The following ADAM2 variants were observed in gnomAD, a reference collection of about 807,000 sequenced individuals.
The protein encoded by ADAM2 is ADAM metallopeptidase domain 2, also known as disintegrin and metalloproteinase domain-containing protein 2.
Under a neutral mutation model 99.3 loss-of-function variants are expected in ADAM2, and 101 were observed. That is an observed-to-expected ratio of 1.02 (90% CI 0.87 to 1.20). The LOEUF (loss-of-function observed/expected upper bound fraction) is 1.20, where lower values mean the gene tolerates loss of function less well. Ranked by LOEUF, ADAM2 falls within the 50% of genes most tolerant of loss-of-function variation. The pLI, the probability that ADAM2 is intolerant of heterozygous loss-of-function variation, is 0.00. For missense variants in ADAM2, 948 were observed against 878.7 expected, an observed-to-expected ratio of 1.08 and a Z score of -1.00; for synonymous variants, 323 against 287.6, an observed-to-expected ratio of 1.12 and a Z score of -1.25.
At chr8:39,755,077 A>T (rs1255252201) in intron 16 of ADAM2, among the ~76,000 whole-genome samples, 3 of 152,288 alleles carry the variant, frequency 2.0e-5, no homozygotes, top group African/African-American at 7.2e-5. Flanking sequence ...TAAAATGGGC[A>T]TATATTATTT....
intron 17 of ADAM2, 35 bp downstream of exon 17, chr8:39,749,632 G>T: frequency 1.9e-6 from 3 of 1,562,804 alleles, no homozygotes; most frequent in South Asian, 1.1e-5. Flanking sequence ...TAGGCTCAAT[G>T]ATTTCTATTT....
At chr8:39,753,386 G>A (rs948643297) in intron 16 of ADAM2, among the ~76,000 whole-genome samples, 1 of 151,148 alleles carries the variant, frequency 6.6e-6, no homozygotes, top group Non-Finnish European at 1.5e-5. Flanking sequence ...AGGAAGCAAA[G>A]CATAAAAGTT....
At position 39,819,042 on chromosome 8, in the gene ADAM2, G is replaced by T. The variant is rs193223479; in HGVS notation, c.513+1960C>A. Reference sequence around the variant, plus strand: ...TAAAAATAAATAAATTTTAAAATACGTTTGGAAATGCATAGTAGCCAGAAT... The same window carrying T: ...TAAAAATAAATAAATTTTAAAATACTTTTGGAAATGCATAGTAGCCAGAAT... On this transcript the variant is annotated intron_variant, in intron 6 of 20. Transcript: ENST00000265708. Among the ~76,000 whole-genome samples the T allele has an allele frequency of 2.7e-3, 405 of 152,000 alleles. 2 individuals are homozygous for T. Among genetic ancestry groups the T allele is most frequent in the African/African-American group, 9.4e-3 (391 of 41,512 alleles).
rs1383925939 is a variant in ADAM2, at chr8:39,809,427, T to C, written c.553A>G (p.Ile185Val). 2.2e-6 allele frequency: 3 copies of C among 1,384,962 alleles called. No individual in the cohort carries two copies. Among genetic ancestry groups the C allele is most frequent in the Non-Finnish European group, 3.0e-6 (3 of 985,990 alleles). 85.8% of individuals were successfully genotyped at this position (1,384,962 alleles called of 1,614,324 possible). The change falls in exon 7 of 21, where the codon ATA (isoleucine) becomes GTA (valine). Residue 185 changes from isoleucine to valine, a missense_variant. Ile to Val is a conservative substitution (Grantham distance 29). Coordinates refer to ENST00000265708, the MANE Select transcript of ADAM2 (RefSeq NM_001464.5). ...DFAKYIEMHV[I>V]VEKQLYNHMG... ...ATACTTACCAATTGTTTTTCAACTA[T>C]AACATGCATTTCTATATACTTTGCA...
intron 7 of ADAM2, among the ~76,000 whole-genome samples, chr8:39,799,853 C>CTAGGAATAT (rs1321937380): frequency 1.3e-5 from 2 of 151,704 alleles, no homozygotes; most frequent in Non-Finnish European, 3.0e-5. Flanking sequence ...ACTAGGAATA[C>CTAGGAATAT]AACCATTTTT....
intron 20 of ADAM2, among the ~76,000 whole-genome samples, 181 bp from the exon 21 acceptor site, chr8:39,744,245 A>G (rs2122988): frequency 0.33 from 49,489 of 152,016 alleles, 8,238 homozygotes; most frequent in East Asian, 0.49. Flanking sequence ...TAATTAAAAA[A>G]TAACACTGTA....
intron 7 of ADAM2, among the ~76,000 whole-genome samples, chr8:39,792,126 C>T (rs1233553930): frequency 6.6e-6 from 1 of 151,338 alleles, no homozygotes; most frequent in Non-Finnish European, 1.5e-5. Context: ...AGGCACAATA[C>T]AAGAATGGGA....
chr8:39,749,722 A>G lies in ADAM2; in HGVS notation c.1820T>C (p.Val607Ala), dbSNP rs1823642671. Reference sequence around the variant, plus strand: ...ATCATAACCCAAGTATGAAGAACTCACACATCTTTGATTCCTGCAAACCTA... The same window carrying G: ...ATCATAACCCAAGTATGAAGAACTCGCACATCTTTGATTCCTGCAAACCTA... Reference protein sequence around the residue: ...SNKVCRNQRCVSSSYLGYDCT... With the variant: ...SNKVCRNQRCASSSYLGYDCT... The change falls in exon 17 of 21, where the codon GTG becomes GCG. Residue 607 changes from valine to alanine, a missense_variant. Val to Ala is a moderately conservative substitution (Grantham distance 64). Coordinates refer to ENST00000265708, the MANE Select transcript of ADAM2 (RefSeq NM_001464.5). The G allele has an allele frequency of 6.2e-7, 1 of 1,612,396 alleles. No homozygotes were observed. The highest frequency in any genetic ancestry group is 8.5e-7 in the Non-Finnish European group (1 of 1,178,868).
intron 7 of ADAM2, among the ~76,000 whole-genome samples, chr8:39,802,516 C>A (rs970981219): frequency 3.3e-5 from 5 of 152,158 alleles, no homozygotes; most frequent in Admixed American, 1.3e-4. Context: ...ATCCTGAATT[C>A]TTCTTATTTC....
At chr8:39,817,320 T>C (rs570867655) in intron 6 of ADAM2, among the ~76,000 whole-genome samples, 1 of 152,036 alleles carries the variant, frequency 6.6e-6, no homozygotes, top group Non-Finnish European at 1.5e-5. Flanking sequence ...ATCGTGGTCA[T>C]GAGAGGATAG....
Position 39,755,788 on chromosome 8 carries a change from A to G in ADAM2, c.1737T>C (p.Ser579=). 1 of 1,613,654 alleles carries G rather than the reference A, an allele frequency of 6.2e-7. No homozygotes were observed. The highest frequency in any genetic ancestry group is 8.5e-7 in the Non-Finnish European group (1 of 1,179,734). ...GHLCIAVEFA[S]DHADSQKMWI... is the part of the protein sequence containing the mutation. ...ACATCTTTTGGCTGTCTGCATGATC[A>G]CTGGCAAATTCCACAGCAATGCAGA... Residue 579 remains serine, a synonymous_variant, in exon 16 of 21, where the codon AGT becomes AGC. Coordinates refer to ENST00000265708, the MANE Select transcript of ADAM2 (RefSeq NM_001464.5).
intron 10 of ADAM2, 83 bp downstream of exon 10, chr8:39,786,891 A>G: frequency 9.7e-7 from 1 of 1,036,262 alleles, no homozygotes; most frequent in South Asian, 1.8e-5. Flanking sequence ...TGCAAATTTT[A>G]ATACACATAA....
chr8:39,836,659 A>G (rs1805838970), intron 2 of ADAM2, among the ~76,000 whole-genome samples: 1 of 152,202 alleles, frequency 6.6e-6, no homozygotes, highest in Non-Finnish European at 1.5e-5. Context: ...ATAATTCTGA[A>G]CTAAAATAAT....
At chr8:39,754,807 G>C (rs1272220455) in intron 16 of ADAM2, among the ~76,000 whole-genome samples, 2 of 152,096 alleles carry the variant, frequency 1.3e-5, no homozygotes, top group African/African-American at 4.8e-5. Context: ...GTATATACGT[G>C]TTTGTATGTA....
chr8:39,755,511 C>A (rs865939738), intron 16 of ADAM2, among the ~76,000 whole-genome samples: 41 of 152,078 alleles, frequency 2.7e-4, no homozygotes, highest in Middle Eastern at 3.2e-3. Context: ...TCCGTCTCTA[C>A]TAAAAATACA....
In ADAM2 at chr8:39,777,053, C is replaced by T. The variant is rs1208539871; in HGVS notation, c.1000G>A (p.Ala334Thr). The change falls in exon 11 of 21, where the codon GCT becomes ACT. Residue 334 changes from alanine to threonine, a missense_variant. By Grantham distance (58) the Ala-to-Thr change is moderately conservative. Coordinates refer to ENST00000265708, the MANE Select transcript of ADAM2 (RefSeq NM_001464.5). ...DDINKCQCSG[A>T]VCIMNPEAIH... ...GCTTCTGGATTCATAATGCAGACAG[C>T]TCCTGAGCACTGGCATTTGTTAATG... The T allele has an allele frequency of 3.1e-6, 5 of 1,592,644 alleles. No individual in the cohort carries two copies. The highest frequency in any genetic ancestry group is 4.3e-6 in the Non-Finnish European group (5 of 1,161,270).
chr8:39,793,860 G>A (rs1183679544), intron 7 of ADAM2, among the ~76,000 whole-genome samples: 1 of 152,098 alleles, frequency 6.6e-6, no homozygotes, highest in Non-Finnish European at 1.5e-5. Context: ...AGTCTATACA[G>A]CCCATAATGT....
intron 10 of ADAM2, 149 bp from the exon 11 acceptor site, chr8:39,777,310 T>A (rs989466547): frequency 5.8e-6 from 3 of 521,598 alleles, no homozygotes; most frequent in Non-Finnish European, 9.9e-6. Context: ...TCATTATAAA[T>A]GTAAGAAAAT....
At chr8:39,836,581 A>G (rs1378151164) in intron 2 of ADAM2, among the ~76,000 whole-genome samples, 2 of 152,180 alleles carry the variant, frequency 1.3e-5, no homozygotes, top group Non-Finnish European at 2.9e-5. Context: ...ATTCCACTTC[A>G]GAAATGGATT....
Sources: gnomAD v4.1 joint callset for allele counts (sites outside exome capture counted in the v4.1 genomes callset) on GRCh38, gnomAD v4.1.1 for gene constraint, MANE v1.5 for transcripts, NCBI Gene and HGNC (gene_info 2026-07-23, HGNC 2026-07-21) for gene names.